C10orf88: variants seen among roughly 807,000 people sequenced by gnomAD.
The protein encoded by C10orf88 is chromosome 10 open reading frame 88.
C10orf88 carries 29 observed loss-of-function variants against 34.2 expected under a neutral mutation model. The ratio of observed to expected loss-of-function variants is 0.85; its 90% CI spans 0.63 to 1.16. C10orf88 has a LOEUF of 1.16. Among genes scored for constraint, C10orf88 ranks in the 50% most tolerant of loss-of-function variants. The pLI is 0.00. For synonymous variants in C10orf88, 194 were observed against 197.4 expected, an observed-to-expected ratio of 0.98 and a Z score of 0.15; for missense variants, 507 against 533.2, an observed-to-expected ratio of 0.95 and a Z score of 0.48.
chr10:122,953,912 C>G (rs1020754598), intron 1 of C10orf88, 103 bp downstream of exon 1: 1 of 1,122,864 alleles, frequency 8.9e-7, no homozygotes, highest in African/African-American at 1.7e-5. Context: ...ACCAACTGCT[C>G]TCCCGGATCC....
At chr10:122,949,275 A>C (rs1848668327) in intron 3 of C10orf88, among the ~76,000 whole-genome samples, 1 of 152,184 alleles carries the variant, frequency 6.6e-6, no homozygotes, top group African/African-American at 2.4e-5. Flanking sequence ...TTAATTTATA[A>C]ATTAGGTATA....
At position 122,931,117 on chromosome 10, in the gene C10orf88, T is replaced by C. The variant is rs1378938807; in HGVS notation, c.*1310A>G. 1.3e-5 allele frequency: 2 copies of C among 152,224 alleles called. No individual in the cohort carries two copies. The highest frequency in any genetic ancestry group is 2.9e-5 in the Non-Finnish European group (2 of 68,030). The allele number at this position is 152,224 out of a possible 1,614,324, so 9.4% of individuals were successfully genotyped here. On this transcript the variant is annotated 3_prime_UTR_variant, in exon 6 of 6. Coordinates refer to ENST00000481909, the MANE Select transcript of C10orf88 (RefSeq NM_024942.4). The stretch of plus-strand genomic sequence containing the variant: ...AAAACCAGAGTGCTGCCTTCCTTTT[T>C]GTCCTTTCATGGCTTCTTCTGGTCA...
intron 4 of C10orf88, among the ~76,000 whole-genome samples, chr10:122,945,969 C>G (rs9423290): frequency 1.3e-5 from 2 of 151,834 alleles, no homozygotes; most frequent in South Asian, 2.1e-4. Flanking sequence ...TGGTGGCATG[C>G]GCCTGTAATC....
At chr10:122,949,200 C>T (rs1184171956) in intron 3 of C10orf88, among the ~76,000 whole-genome samples, 1 of 152,136 alleles carries the variant, frequency 6.6e-6, no homozygotes, top group Admixed American at 6.6e-5. Flanking sequence ...TCCAGTGGCT[C>T]CCTGAAATTG....
intron 5 of C10orf88, among the ~76,000 whole-genome samples, chr10:122,936,772 A>C (rs775603519): frequency 1.4e-4 from 22 of 151,970 alleles, no homozygotes; most frequent in Non-Finnish European, 2.9e-4. Context: ...TGTAATTCCC[A>C]AAAATCTGGA....
intron 4 of C10orf88, among the ~76,000 whole-genome samples, chr10:122,939,359 G>C (rs931478780): frequency 5.9e-5 from 9 of 151,598 alleles, no homozygotes; most frequent in African/African-American, 1.9e-4. Context: ...AGAGAAAAAA[G>C]TCAAGAAAAG....
intron 3 of C10orf88, among the ~76,000 whole-genome samples, chr10:122,950,887 T>A (rs1281500445): frequency 6.6e-6 from 1 of 152,226 alleles, no homozygotes; most frequent in Non-Finnish European, 1.5e-5. Flanking sequence ...GAGTTTGCTA[T>A]CTGCCTGTAA....
rs1404196901 is a variant in C10orf88, at chr10:122,951,927, C to CA, written c.441+26dup. On this transcript the variant is annotated intron_variant, in intron 3 of 5. Transcript: ENST00000481909. ...CAGAGTACAAAAACAACTTAGTTGTCAAATTAGTTTACAACTGACAACTTA... is the reference window on the plus strand; with the variant it reads ...CAGAGTACAAAAACAACTTAGTTGTCAAAATTAGTTTACAACTGACAACTTA... The CA allele has an allele frequency of 4.9e-6, 7 of 1,417,120 alleles. 1 individual carries two copies. The South Asian group carries it at 8.6e-5, about 17-fold the overall frequency. 87.8% of individuals were successfully genotyped at this position (1,417,120 alleles called of 1,614,324 possible).
Position 122,952,010 on chromosome 10 carries a change from T to C in C10orf88, c.385A>G (p.Ile129Val), listed in dbSNP as rs1471093036. 4.2e-5 allele frequency: 63 copies of C among 1,503,974 alleles called. No homozygotes were observed. Among genetic ancestry groups the C allele is most frequent in the Non-Finnish European group, 5.8e-5 (63 of 1,089,746 alleles). 93.2% of individuals were successfully genotyped at this position (1,503,974 alleles called of 1,614,324 possible). The change falls in exon 3 of 6, where the codon ATT (isoleucine) becomes GTT (valine). Residue 129 changes from isoleucine to valine, a missense_variant. Coordinates refer to ENST00000481909, the MANE Select transcript of C10orf88 (RefSeq NM_024942.4). ...VLDDSEHEKI[I>V]LYKKNLKLES... ...AATTTTAGATTTTTTTTATACAAAA[T>C]GATCTTTTCATGTTCACTAAAAATA...
intron 4 of C10orf88, 99 bp downstream of exon 4, chr10:122,948,550 C>T (rs1480026280): frequency 7.4e-6 from 8 of 1,082,336 alleles, no homozygotes; most frequent in Non-Finnish European, 1.1e-5. Flanking sequence ...ACAGTTAAAT[C>T]AGTATGAAAG....
intron 1 of C10orf88, 89 bp downstream of exon 1, chr10:122,953,926 G>GCTCA: frequency 7.8e-7 from 1 of 1,288,168 alleles, no homozygotes; most frequent in Non-Finnish European, 1.0e-6. Context: ...CGGATCCCGG[G>GCTCA]CTCAGACCCT....
intron 5 of C10orf88, among the ~76,000 whole-genome samples, chr10:122,936,285 G>A (rs1323497998): frequency 6.6e-6 from 1 of 151,666 alleles, no homozygotes; most frequent in East Asian, 1.9e-4. Flanking sequence ...ATCTTTTAAC[G>A]GCCTTAGGAT....
intron 5 of C10orf88, among the ~76,000 whole-genome samples, chr10:122,935,976 T>C (rs1848531103): frequency 6.6e-6 from 1 of 151,924 alleles, no homozygotes; most frequent in African/African-American, 2.4e-5. Flanking sequence ...TAATACTGAC[T>C]TCACAGAATG....
At chr10:122,952,608 A>C (rs1848700600) in intron 2 of C10orf88, among the ~76,000 whole-genome samples, 1 of 152,234 alleles carries the variant, frequency 6.6e-6, no homozygotes. Flanking sequence ...ATTCACCTTG[A>C]TTGTTAGTTC....
In C10orf88 at chr10:122,937,832, T is replaced by C; in HGVS notation, c.976A>G (p.Ile326Val). Residue 326 changes from isoleucine to valine, a missense_variant, in exon 5 of 6, where the codon ATA becomes GTA. By Grantham distance (29) the Ile-to-Val change is conservative (BLOSUM62 3). Transcript: ENST00000481909. ...AAAGGCAGCAACTCGGAGTTGGGTA[T>C]ATTTGAGTTGTCACTTACTTTCTTT... Reference protein sequence around the residue: ...LPKKVSDNSNIPNSELLPFLQ... With the variant: ...LPKKVSDNSNVPNSELLPFLQ... 1 of 1,613,226 alleles carries C rather than the reference T, an allele frequency of 6.2e-7. No individual in the cohort carries two copies. The highest frequency in any genetic ancestry group is 8.5e-7 in the Non-Finnish European group (1 of 1,179,366).
chr10:122,944,300 TC>T (rs1848615188), intron 4 of C10orf88, among the ~76,000 whole-genome samples: 1 of 145,952 alleles, frequency 6.9e-6, no homozygotes, highest in African/African-American at 2.6e-5. Flanking sequence ...CCGCATATTC[TC>T]ACTCATAGGT....
In C10orf88 at chr10:122,951,897, A is replaced by G. The variant is rs879244137; in HGVS notation, c.441+57T>C. On this transcript the variant is annotated intron_variant, in intron 3 of 5. Transcript: ENST00000481909. Reference sequence around the variant, plus strand: ...ATTACTAATCCAAAAGAAAACAAGCATACACAGAGTACAAAAACAACTTAG... The same window carrying G: ...ATTACTAATCCAAAAGAAAACAAGCGTACACAGAGTACAAAAACAACTTAG... The G allele has an allele frequency of 3.8e-6, 4 of 1,066,328 alleles. No homozygotes were observed. The South Asian group carries it at 4.1e-5, about 11-fold the overall frequency. The allele number at this position is 1,066,328 out of a possible 1,614,324, so 66.1% of individuals were successfully genotyped here.
Position 122,938,009 on chromosome 10 carries a change from T to C in C10orf88, c.799A>G (p.Asn267Asp). ...TAAGTTTGTAAGTTTTCAGTCACGT[T>C]CCCAGATGTCAATCCAGTTCTAAAA... ...FPFRTGLTSG[N>D]VTENLQTYID... The change falls in exon 5 of 6, where the codon AAC becomes GAC. Residue 267 changes from asparagine to aspartate, a missense_variant. Asn to Asp is a conservative substitution (Grantham distance 23, BLOSUM62 1). Transcript: ENST00000481909. The C allele has an allele frequency of 6.2e-7, 1 of 1,613,400 alleles. No individual in the cohort carries two copies. Among genetic ancestry groups the C allele is most frequent in the African/African-American group, 1.3e-5 (1 of 74,992 alleles).
Position 122,932,652 on chromosome 10 carries a change from C to T in C10orf88, c.1113G>A (p.Glu371=). 2 of 1,590,092 alleles carry T rather than the reference C, an allele frequency of 1.3e-6. No individual in the cohort carries two copies. The highest frequency in any genetic ancestry group is 1.7e-6 in the Non-Finnish European group (2 of 1,166,748). Residue 371 remains glutamate, a synonymous_variant, in exon 6 of 6, where the codon GAG becomes GAA. Coordinates refer to ENST00000481909, the MANE Select transcript of C10orf88 (RefSeq NM_024942.4). ...GERILGVGME[E]QSICSYLEKI... ...TTTCCAAGTAGGAGCAAATAGATTG[C>T]TCTTCCATTCTAAAAATACATTTTT...
Sources: gnomAD v4.1 joint callset for allele counts (sites outside exome capture counted in the v4.1 genomes callset) on GRCh38, gnomAD v4.1.1 for gene constraint, MANE v1.5 for transcripts, NCBI Gene and HGNC (gene_info 2026-07-23, HGNC 2026-07-21) for gene names.